Variants in SLC5A4 observed in about 807,000 individuals in gnomAD.
SLC5A4 encodes probable glucose sensor protein SLC5A4.
In SLC5A4, 55 loss-of-function variants were observed where a neutral mutation model predicts 70.3. The observed-to-expected ratio is 0.78, with a 90% CI of 0.63 to 0.98. The LOEUF is 0.98. Among genes scored for constraint, SLC5A4 ranks in the 50% least tolerant of loss-of-function variants. SLC5A4 has a pLI of 0.00. For synonymous variants in SLC5A4, 268 were observed against 305.7 expected, an observed-to-expected ratio of 0.88 and a Z score of 1.29; for missense variants, 735 against 839.2, an observed-to-expected ratio of 0.88 and a Z score of 1.53.
chr22:32,339,261 C>T, the SLC5A4 span, among the ~76,000 whole-genome samples: 1 of 152,116 alleles, frequency 6.6e-6, no homozygotes, highest in Non-Finnish European at 1.5e-5. Context: ...ATAATGGTCG[C>T]AACAATCATC....
At chr22:32,338,831 C>T in the SLC5A4 span, among the ~76,000 whole-genome samples, 1 of 152,168 alleles carries the variant, frequency 6.6e-6, no homozygotes, top group Non-Finnish European at 1.5e-5. Flanking sequence ...CAGGAATCTC[C>T]CTGCCTGGCA....
chr22:32,333,596 C>T, the SLC5A4 span, among the ~76,000 whole-genome samples: 1 of 152,110 alleles, frequency 6.6e-6, no homozygotes, highest in African/African-American at 2.4e-5. Context: ...CCCTGGTGCC[C>T]TTGCATCTCC....
rs1280552681 is a variant in SLC5A4, at chr22:32,240,674, G to T, written c.478-1584C>A. 2.0e-5 allele frequency among the ~76,000 whole-genome samples: 3 copies of T among 152,212 alleles called. No homozygotes were observed. The East Asian group carries it at 5.8e-4, about 29-fold the overall frequency. On this transcript the variant is annotated intron_variant, in intron 5 of 14. Transcript: ENST00000266086. ...TCATCTCTTACTTGAAACCTTGAAA[G>T]AATTCACCCCTACCCTTCTCCATGT...
At chr22:32,245,417 C>T (rs928348647) in intron 5 of SLC5A4, among the ~76,000 whole-genome samples, 2 of 152,200 alleles carry the variant, frequency 1.3e-5, no homozygotes, top group African/African-American at 4.8e-5. Context: ...CACCAGTGAC[C>T]CTCCAGTCTG....
chr22:32,349,100 G>T, the SLC5A4 span, among the ~76,000 whole-genome samples: 1 of 152,052 alleles, frequency 6.6e-6, no homozygotes, highest in Admixed American at 6.5e-5. Flanking sequence ...TCAGCCTCCC[G>T]AGTAGCTGGG....
intron 10 of SLC5A4, 72 bp downstream of exon 10, chr22:32,230,896 G>T: frequency 1.1e-6 from 1 of 884,680 alleles, no homozygotes; most frequent in East Asian, 2.5e-5. Flanking sequence ...TGCAAGAATT[G>T]CACCATAACC....
At chr22:32,312,386 C>CACACACACACACAT in the SLC5A4 span, among the ~76,000 whole-genome samples, 745 of 150,426 alleles carry the variant, frequency 5.0e-3, 6 homozygotes, top group Non-Finnish European at 7.1e-3. Context: ...CACACACACA[C>CACACACACACACAT]GCACATTCAA....
the SLC5A4 span, among the ~76,000 whole-genome samples, chr22:32,294,397 C>T: frequency 2.6e-5 from 4 of 152,016 alleles, no homozygotes; most frequent in African/African-American, 2.4e-5. Context: ...AGAAGTAGTA[C>T]AGAGACATTC....
chr22:32,261,533 A>G, the SLC5A4 span, among the ~76,000 whole-genome samples: 1 of 152,216 alleles, frequency 6.6e-6, no homozygotes, highest in Non-Finnish European at 1.5e-5. Context: ...CTGGTTGGGG[A>G]AGCCCCTTAC....
intron 5 of SLC5A4, among the ~76,000 whole-genome samples, chr22:32,243,243 C>T (rs1226045690): frequency 6.6e-6 from 1 of 152,068 alleles, no homozygotes; most frequent in Non-Finnish European, 1.5e-5. Flanking sequence ...GAAAAATTGT[C>T]ATATTAAGAA....
At chr22:32,276,886 T>TCATA in the SLC5A4 span, 1 of 152,152 alleles carries the variant, frequency 6.6e-6, no homozygotes, top group African/African-American at 2.4e-5. Flanking sequence ...ATTAATAAGG[T>TCATA]CATATAGTTC....
the SLC5A4 span, among the ~76,000 whole-genome samples, chr22:32,291,642 A>G: frequency 6.6e-6 from 1 of 152,076 alleles, no homozygotes; most frequent in African/African-American, 2.4e-5. Context: ...CTTTACCAAG[A>G]TAGGCTCTTA....
chr22:32,241,775 A>G (rs12170621), intron 5 of SLC5A4, among the ~76,000 whole-genome samples: 242 of 139,190 alleles, frequency 1.7e-3, no homozygotes, highest in African/African-American at 5.0e-3. Context: ...ACATATATAT[A>G]TGTGTGTGTG....
the SLC5A4 span, among the ~76,000 whole-genome samples, chr22:32,311,682 G>A: frequency 6.6e-6 from 1 of 152,020 alleles, no homozygotes; most frequent in Admixed American, 6.6e-5. Context: ...CTCCCCAGGG[G>A]CAGAGATGAG....
chr22:32,349,771 G>A, the SLC5A4 span, among the ~76,000 whole-genome samples: 2 of 152,158 alleles, frequency 1.3e-5, no homozygotes, highest in South Asian at 2.1e-4. Context: ...AGATTGAGCA[G>A]TTCTAAGTTT....
chr22:32,252,820 T>A (rs903957455), intron 2 of SLC5A4, among the ~76,000 whole-genome samples: 2 of 152,180 alleles, frequency 1.3e-5, no homozygotes, highest in Non-Finnish European at 2.9e-5. Context: ...CCCCTCGCCA[T>A]TACAGTGTCT....
chr22:32,329,206 T>C, the SLC5A4 span, among the ~76,000 whole-genome samples: 1 of 152,126 alleles, frequency 6.6e-6, no homozygotes, highest in African/African-American at 2.4e-5. Flanking sequence ...CCATTCAGTG[T>C]GCACCTGGCA....
At chr22:32,354,710 G>A in the SLC5A4 span, among the ~76,000 whole-genome samples, 3 of 151,958 alleles carry the variant, frequency 2.0e-5, no homozygotes, top group Middle Eastern at 3.2e-3. Context: ...TGTGGGCAGT[G>A]AGGCCCCAGA....
At chr22:32,304,160 T>A in the SLC5A4 span, among the ~76,000 whole-genome samples, 1 of 152,206 alleles carries the variant, frequency 6.6e-6, no homozygotes, top group East Asian at 1.9e-4. Flanking sequence ...AGAGTCTTGC[T>A]CTGTCATCCG....
Sources: gnomAD v4.1 joint callset for allele counts (sites outside exome capture counted in the v4.1 genomes callset) on GRCh38, gnomAD v4.1.1 for gene constraint, MANE v1.5 for transcripts, NCBI Gene and HGNC (gene_info 2026-07-23, HGNC 2026-07-21) for gene names.